Variants in CTNNA2 observed in about 807,000 individuals in gnomAD.
CTNNA2 encodes the protein catenin alpha-2.
A neutral mutation model predicts 101.0 loss-of-function variants in CTNNA2; 42 were observed. That is an observed-to-expected ratio of 0.42 (90% CI 0.32 to 0.54). CTNNA2 has a LOEUF of 0.54. Among genes scored for constraint, CTNNA2 ranks in the 20% least tolerant of loss-of-function variants. The pLI is 0.14. For missense variants in CTNNA2, 871 were observed against 1,223.1 expected, an observed-to-expected ratio of 0.71 and a Z score of 4.29; for synonymous variants, 450 against 456.4, an observed-to-expected ratio of 0.99 and a Z score of 0.18.
rs79490614 is a variant in CTNNA2 at position 79,534,187 on chromosome 2, G to A, written c.-6+20980G>A. On this transcript the variant is annotated intron_variant, in intron 1 of 18. Transcript: ENST00000402739. ...ATATGATTTTATGTCATTTTAAAAA[G>A]TCATAGTTCCCAATTGTTATCTATA... Among the ~76,000 whole-genome samples the A allele has an allele frequency of 0.011, 1,738 of 152,046 alleles. 98 individuals carry two copies. The East Asian group carries it at 0.15, about 13-fold the overall frequency.
chr2:79,474,121 T>C (rs1671028236), intron 4 of CTNNA2, among the ~76,000 whole-genome samples: 1 of 152,140 alleles, frequency 6.6e-6, no homozygotes, highest in African/African-American at 2.4e-5. Flanking sequence ...TTATAATGTA[T>C]ATTAAAGAAA....
chr2:80,161,767 C>T (rs1489982076), intron 7 of CTNNA2, among the ~76,000 whole-genome samples: 4 of 152,248 alleles, frequency 2.6e-5, no homozygotes, highest in African/African-American at 9.6e-5. Context: ...TATGCTAACA[C>T]TGTATTTTTC....
At chr2:80,322,363 A>G (rs897181750) in intron 7 of CTNNA2, among the ~76,000 whole-genome samples, 1 of 150,182 alleles carries the variant, frequency 6.7e-6, no homozygotes, top group African/African-American at 2.5e-5. Flanking sequence ...TGAACTGGAG[A>G]GAAATTGTGC....
chr2:80,444,566 C>T (rs1193826186), intron 9 of CTNNA2, among the ~76,000 whole-genome samples: 1 of 152,070 alleles, frequency 6.6e-6, no homozygotes, highest in Non-Finnish European at 1.5e-5. Context: ...TACCCCGCTC[C>T]CATCTAATTC....
At chr2:79,649,691 C>T (rs773570089) in intron 1 of CTNNA2, among the ~76,000 whole-genome samples, 2 of 152,118 alleles carry the variant, frequency 1.3e-5, no homozygotes, top group Non-Finnish European at 2.9e-5. Flanking sequence ...GGCAGCATGT[C>T]GGTGCCAACT....
At chr2:79,946,162 C>T (rs1447320988) in intron 7 of CTNNA2, among the ~76,000 whole-genome samples, 1 of 152,108 alleles carries the variant, frequency 6.6e-6, no homozygotes, top group Non-Finnish European at 1.5e-5. Flanking sequence ...GGGGAGAGAA[C>T]TGAGGCCCAG....
chr2:80,006,614 C>G lies in CTNNA2; in HGVS notation c.1056+96817C>G, dbSNP rs534923260. Among the ~76,000 whole-genome samples, 8 of 152,228 alleles carry G rather than the reference C, an allele frequency of 5.3e-5. No individual in the cohort carries two copies. In the South Asian group the frequency reaches 1.5e-3, roughly 28 times the overall value. The stretch of plus-strand genomic sequence containing the variant: ...TTGGATTCAACTCCTTCTGCTTCAG[C>G]CCGTGCAAATTTCCACTGCGCTAGG... On this transcript the variant is annotated intron_variant, in intron 7 of 18. Transcript: ENST00000402739.
At chr2:79,941,165 A>G (rs116007990) in intron 7 of CTNNA2, among the ~76,000 whole-genome samples, 2,386 of 152,328 alleles carry the variant, frequency 0.016, 79 homozygotes, top group African/African-American at 0.055. Flanking sequence ...CTTTTGCACC[A>G]TTATTGAAAA....
intron 1 of CTNNA2, among the ~76,000 whole-genome samples, chr2:79,590,627 AC>A (rs1486562772): frequency 6.6e-6 from 1 of 152,196 alleles, no homozygotes; most frequent in Admixed American, 6.5e-5. Flanking sequence ...TTAAAAAAAA[AC>A]ATCAGATTTG....
chr2:80,394,586 C>G (rs1446738815), intron 8 of CTNNA2, among the ~76,000 whole-genome samples: 1 of 152,034 alleles, frequency 6.6e-6, no homozygotes, highest in African/African-American at 2.4e-5. Context: ...CTACATATCC[C>G]CATTTGATAT....
intron 7 of CTNNA2, among the ~76,000 whole-genome samples, chr2:80,184,395 T>A (rs945320592): frequency 6.6e-6 from 1 of 152,168 alleles, no homozygotes. Context: ...TGCTTAGGGC[T>A]TTGATGGCAT....
chr2:79,342,957 C>T (rs1246761729), intron 3 of CTNNA2, among the ~76,000 whole-genome samples: 1 of 152,096 alleles, frequency 6.6e-6, no homozygotes, highest in Admixed American at 6.5e-5. Flanking sequence ...TCTCCTATGG[C>T]AATAAATATT....
intron 8 of CTNNA2, among the ~76,000 whole-genome samples, chr2:80,404,394 A>G (rs1246372590): frequency 2.0e-5 from 3 of 152,114 alleles, no homozygotes; most frequent in Non-Finnish European, 2.9e-5. Flanking sequence ...AAATAGTAAT[A>G]TATGTAATTC....
chr2:79,210,923 T>G (rs1020010793), intron 2 of CTNNA2, among the ~76,000 whole-genome samples: 5 of 152,148 alleles, frequency 3.3e-5, no homozygotes, highest in African/African-American at 1.2e-4. Flanking sequence ...CTCTCCCGCC[T>G]GGGGGAGGAA....
At chr2:79,849,964 A>G (rs1047608352) in intron 3 of CTNNA2, among the ~76,000 whole-genome samples, 17 of 152,162 alleles carry the variant, frequency 1.1e-4, no homozygotes, top group Non-Finnish European at 2.5e-4. Flanking sequence ...AGGTATGATT[A>G]AATAAATTAA....
intron 4 of CTNNA2, among the ~76,000 whole-genome samples, chr2:79,430,714 G>A (rs757764048): frequency 6.6e-6 from 1 of 152,008 alleles, no homozygotes; most frequent in Non-Finnish European, 1.5e-5. Context: ...TTTGGCTTAT[G>A]GGGGCTATAA....
intron 17 of CTNNA2, among the ~76,000 whole-genome samples, chr2:80,615,574 GA>G (rs1698787680): frequency 6.6e-6 from 1 of 151,290 alleles, no homozygotes; most frequent in Non-Finnish European, 1.5e-5. Context: ...TCAGCTTACT[GA>G]AATAGGGTTT....
At chr2:80,644,399 A>T (rs1673833898) in intron 18 of CTNNA2, among the ~76,000 whole-genome samples, 2 of 152,146 alleles carry the variant, frequency 1.3e-5, no homozygotes, top group Non-Finnish European at 2.9e-5. Context: ...TAAGTCACAA[A>T]AGAGAATGCA....
At chr2:79,601,725 G>A (rs527689092) in intron 1 of CTNNA2, among the ~76,000 whole-genome samples, 4 of 152,230 alleles carry the variant, frequency 2.6e-5, no homozygotes, top group Non-Finnish European at 5.9e-5. Context: ...GTGTGACACA[G>A]AAGACTTCCA....
Sources: allele counts gnomAD v4.1 joint callset (sites outside exome capture counted in the v4.1 genomes callset), GRCh38; gene constraint gnomAD v4.1.1; transcripts MANE v1.5; gene names NCBI Gene and HGNC (gene_info 2026-07-23, HGNC 2026-07-21).